Variants in MMS22L observed in about 807,000 individuals in gnomAD.
MMS22L encodes protein MMS22-like.
A neutral mutation model predicts 159.1 loss-of-function variants in MMS22L; 74 were observed. That is an observed-to-expected ratio of 0.47 (90% CI 0.39 to 0.56). MMS22L has a LOEUF of 0.56. Among genes scored for constraint, MMS22L ranks in the 20% least tolerant of loss-of-function variants. The probability of loss-of-function intolerance (pLI) is 0.00; values close to 1 mark genes in which losing one functional copy is unlikely to be tolerated. For synonymous variants in MMS22L, 517 were observed against 506.9 expected, an observed-to-expected ratio of 1.02 and a Z score of -0.27; for missense variants, 1,351 against 1,422.1, an observed-to-expected ratio of 0.95 and a Z score of 0.80.
chr6:97,158,891 A>G (rs917682760), intron 22 of MMS22L, among the ~76,000 whole-genome samples: 1 of 151,186 alleles, frequency 6.6e-6, no homozygotes, highest in South Asian at 2.1e-4. Flanking sequence ...TCATTGATCT[A>G]ATATTGACAG....
intron 19 of MMS22L, among the ~76,000 whole-genome samples, chr6:97,170,819 TA>T (rs1349628312): frequency 6.6e-6 from 1 of 152,052 alleles, no homozygotes; most frequent in African/African-American, 2.4e-5. Context: ...CCAGCTTTGG[TA>T]ACATAGTGAG....
At chr6:97,263,245 G>C (rs1228983251) in intron 9 of MMS22L, 90 bp downstream of exon 9, 2 of 775,524 alleles carry the variant, frequency 2.6e-6, no homozygotes, top group East Asian at 2.8e-5. Context: ...TTATAAAAAA[G>C]GAAGTTAAGA....
chr6:97,231,822 T>A (rs868452576), intron 12 of MMS22L, among the ~76,000 whole-genome samples, 170 bp from the exon 13 acceptor site: 38 of 152,168 alleles, frequency 2.5e-4, no homozygotes, highest in Non-Finnish European at 2.2e-4. Context: ...GTACAGAGCA[T>A]CAAGAGGTGT....
intron 11 of MMS22L, among the ~76,000 whole-genome samples, chr6:97,235,732 G>A (rs890415616): frequency 1.3e-5 from 2 of 152,162 alleles, no homozygotes; most frequent in Non-Finnish European, 2.9e-5. Flanking sequence ...GATGGCTGAG[G>A]ACATCTAGGA....
chr6:97,227,352 T>C (rs1361098713), intron 14 of MMS22L, among the ~76,000 whole-genome samples: 1 of 152,208 alleles, frequency 6.6e-6, no homozygotes, highest in Non-Finnish European at 1.5e-5. Flanking sequence ...CTGACATCTT[T>C]TGGGGACTAT....
chr6:97,186,170 G>A (rs1805204557), intron 15 of MMS22L, among the ~76,000 whole-genome samples: 1 of 151,936 alleles, frequency 6.6e-6, no homozygotes, highest in African/African-American at 2.4e-5. Context: ...TTATACCTAT[G>A]TATCTGCTCA....
At chr6:97,218,926 T>C (rs1809318496) in intron 14 of MMS22L, among the ~76,000 whole-genome samples, 1 of 152,186 alleles carries the variant, frequency 6.6e-6, no homozygotes. Context: ...TAGCTAGTGC[T>C]ACCCTACTGG....
At chr6:97,164,405 A>T (rs1476042823) in intron 21 of MMS22L, among the ~76,000 whole-genome samples, 1 of 151,924 alleles carries the variant, frequency 6.6e-6, no homozygotes, top group African/African-American at 2.4e-5. Flanking sequence ...ATAAAAATAA[A>T]TAATACATGA....
At chr6:97,271,191 TTTTG>T (rs1815700533) in intron 6 of MMS22L, 1 of 152,106 alleles carries the variant, frequency 6.6e-6, no homozygotes, top group Non-Finnish European at 1.5e-5. Flanking sequence ...TATTATGCTT[TTTTG>T]TTTCAGAAAA....
At chr6:97,231,099 T>C (rs1810814973) in intron 13 of MMS22L, 1 of 202,244 alleles carries the variant, frequency 4.9e-6, no homozygotes, top group Admixed American at 5.3e-5. Context: ...GAAAACAGCA[T>C]AGTTCCCAAA....
At chr6:97,155,300 G>A (rs547239593) in intron 22 of MMS22L, among the ~76,000 whole-genome samples, 6 of 141,154 alleles carry the variant, frequency 4.3e-5, no homozygotes, top group South Asian at 4.7e-4. Flanking sequence ...ATTTTTTAAC[G>A]TAGTCTTCCA....
intron 10 of MMS22L, chr6:97,254,290 A>C (rs1490331684): frequency 1.5e-5 from 4 of 268,404 alleles, no homozygotes; most frequent in African/African-American, 8.9e-5. Context: ...AGAAAGGTTT[A>C]AGTAATTTGC....
chr6:97,216,018 CCTT>C (rs1223478411), intron 14 of MMS22L, among the ~76,000 whole-genome samples: 5 of 152,140 alleles, frequency 3.3e-5, no homozygotes. Flanking sequence ...TAGTTTCACT[CCTT>C]GTTTGTCCTC....
At chr6:97,228,687 C>T (rs1810512997) in intron 14 of MMS22L, among the ~76,000 whole-genome samples, 1 of 152,146 alleles carries the variant, frequency 6.6e-6, no homozygotes, top group African/African-American at 2.4e-5. Context: ...CACTTCTAGT[C>T]CCAAGCTTTT....
chr6:97,212,413 G>A (rs1166476187), intron 14 of MMS22L, among the ~76,000 whole-genome samples: 1 of 152,132 alleles, frequency 6.6e-6, no homozygotes, highest in African/African-American at 2.4e-5. Context: ...ACCTATCATT[G>A]TACTGATTCA....
In MMS22L at chr6:97,229,354, C is replaced by T; in HGVS notation, c.1579G>A (p.Gly527Ser). The change falls in exon 14 of 25, where the codon GGT becomes AGT. Residue 527 changes from glycine (G) to serine (S), a missense_variant. Gly to Ser is a moderately conservative substitution (Grantham distance 56). Transcript: ENST00000683635. ...AAAAGGCTAAAAAAGTTCTGTAGAC[C>T]AACTTCAGTTAGTTCTTCCATTCTT... is the stretch of plus-strand genomic sequence containing the variant. ...QKRMEELTEV[G>S]LQNFFSLFLL... 6.2e-7 allele frequency: 1 copy of T among 1,604,868 alleles called. No individual in the cohort carries two copies. The highest frequency in any genetic ancestry group is 8.5e-7 in the Non-Finnish European group (1 of 1,175,178).
chr6:97,150,553 C>T (rs182812225), intron 23 of MMS22L, among the ~76,000 whole-genome samples: 1 of 152,264 alleles, frequency 6.6e-6, no homozygotes, highest in Non-Finnish European at 1.5e-5. Flanking sequence ...AACCTCTACC[C>T]TCCACTACCA....
At chr6:97,261,571 G>C (rs1035290239) in intron 9 of MMS22L, 2 of 152,076 alleles carry the variant, frequency 1.3e-5, no homozygotes, top group Non-Finnish European at 2.9e-5. Flanking sequence ...TTATGTTATG[G>C]GTAAGGATTG....
At chr6:97,176,323 T>C (rs2128262820) in intron 18 of MMS22L, among the ~76,000 whole-genome samples, 2 of 152,206 alleles carry the variant, frequency 1.3e-5, no homozygotes, top group Non-Finnish European at 2.9e-5. Flanking sequence ...CTTAGACTTC[T>C]CAATATTGCT....
Sources: allele counts gnomAD v4.1 joint callset (sites outside exome capture counted in the v4.1 genomes callset), GRCh38; gene constraint gnomAD v4.1.1; transcripts MANE v1.5; gene names NCBI Gene and HGNC (gene_info 2026-07-23, HGNC 2026-07-21).